Variants in PCDHGB4 observed in about 807,000 individuals in gnomAD.
PCDHGB4 encodes protocadherin gamma subfamily B, 4.
In PCDHGB4, 38 loss-of-function variants were observed where a neutral mutation model predicts 60.5. That is an observed-to-expected ratio of 0.63 (90% CI 0.48 to 0.82). PCDHGB4 has a LOEUF of 0.82. PCDHGB4 is among the 40% of genes least tolerant of loss of function. The pLI is 0.00. For missense variants in PCDHGB4, 1,109 were observed against 1,209.6 expected (o/e 0.92, Z 1.23); for synonymous variants, 456 against 509.7 (o/e 0.89, Z 1.42).
chr5:141,458,513 GT>G (rs537551567), intron 1 of PCDHGB4, among the ~76,000 whole-genome samples: 34 of 146,056 alleles, frequency 2.3e-4, no homozygotes, highest in South Asian at 6.5e-4. Flanking sequence ...TTGACACTTT[GT>G]TTTTTTTTTT....
chr5:141,490,200 A>G lies in PCDHGB4; in HGVS notation c.2398-4607A>G. 6.2e-6 allele frequency: 10 copies of G among 1,614,198 alleles called. No homozygotes were observed. The highest frequency in any genetic ancestry group is 8.5e-6 in the Non-Finnish European group (10 of 1,180,032). ...AGTCACGTTTCTATGAAATTCATGC[A>G]AGAGCCCGTGACCAGGGACAGCCTG... On this transcript the variant is annotated intron_variant, in intron 1 of 3. Coordinates refer to ENST00000519479, the MANE Select transcript of PCDHGB4 (RefSeq NM_003736.4). The surrounding 1 kb of genome is among the most constrained non-coding windows in gnomAD (Gnocchi z 5.4).
intron 1 of PCDHGB4, chr5:141,419,506 C>A (rs527369615): frequency 6.2e-6 from 10 of 1,612,352 alleles, no homozygotes; most frequent in Middle Eastern, 1.7e-4. Context: ...TGAGCCTGCG[C>A]GTGTTGGTGG....
chr5:141,440,103 A>G (rs1391819927), intron 1 of PCDHGB4: 1 of 152,222 alleles, frequency 6.6e-6, no homozygotes, highest in Non-Finnish European at 1.5e-5. Flanking sequence ...GAAAGTGGAG[A>G]CTTACTTGTG....
At chr5:141,492,962 C>A (rs1197532146) in intron 1 of PCDHGB4, among the ~76,000 whole-genome samples, 2 of 152,258 alleles carry the variant, frequency 1.3e-5, no homozygotes, top group African/African-American at 2.4e-5. Flanking sequence ...CTATCTGACA[C>A]TCTAACAAGT....
At chr5:141,399,037 G>A (rs756325508) in intron 1 of PCDHGB4, 2 of 1,613,856 alleles carry the variant, frequency 1.2e-6, no homozygotes, top group African/African-American at 2.7e-5. Context: ...AAAGAAACTG[G>A]ATTTTGAAGA....
intron 1 of PCDHGB4, chr5:141,418,991 G>A (rs1335937354): frequency 6.2e-7 from 1 of 1,613,836 alleles, no homozygotes. Context: ...AGACTCAGGG[G>A]AAAATGGGGA....
intron 1 of PCDHGB4, chr5:141,421,025 A>G: frequency 5.7e-6 from 3 of 526,286 alleles, no homozygotes; most frequent in East Asian, 3.2e-5. Context: ...GCTGCGCGCC[A>G]TTGAGTCCCT....
Position 141,399,843 on chromosome 5 carries a change from T to C in PCDHGB4, c.2397+9562T>C, listed in dbSNP as rs1452069886. ...GTCCCGACGGCTCTGCGCTCTTCGATATGGTGCCGCGCGCTGCAGAGCCCG... is the reference window on the plus strand; with the variant it reads ...GTCCCGACGGCTCTGCGCTCTTCGACATGGTGCCGCGCGCTGCAGAGCCCG... On this transcript the variant is annotated intron_variant, in intron 1 of 3. Coordinates refer to ENST00000519479, the MANE Select transcript of PCDHGB4 (RefSeq NM_003736.4). 2.5e-6 allele frequency: 4 copies of C among 1,612,848 alleles called. No homozygotes were observed. The African/African-American group carries it at 5.3e-5, about 22-fold the overall frequency.
Position 141,390,177 on chromosome 5 carries a change from C to A in PCDHGB4, c.2293C>A (p.Leu765Ile). The A allele has an allele frequency of 6.2e-7, 1 of 1,613,986 alleles. No homozygotes were observed. The highest frequency in any genetic ancestry group is 8.5e-7 in the Non-Finnish European group (1 of 1,179,894). Residue 765 changes from leucine (L) to isoleucine (I), a missense_variant, in exon 1 of 4, where the codon CTA (leucine) becomes ATA (isoleucine). By Grantham distance (5) the Leu-to-Ile change is conservative. Coordinates refer to ENST00000519479, the MANE Select transcript of PCDHGB4 (RefSeq NM_003736.4). ...AHTGKTEFNF[L>I]KCSEQLSSGQ... is the part of the protein sequence containing the mutation. ...TACAGGAAAGACGGAGTTTAATTTC[C>A]TAAAATGTAGTGAGCAGTTGAGTTC...
At position 141,413,133 on chromosome 5, in the gene PCDHGB4, C is replaced by T. The variant is rs765215473; in HGVS notation, c.2397+22852C>T. The stretch of plus-strand genomic sequence containing the variant: ...CAAAGGAACCGGTTGAAACACACAA[C>T]GTGTCCAGTGAGGACTTTGCAGAAT... On this transcript the variant is annotated intron_variant, in intron 1 of 3. Transcript: ENST00000519479. 1.1e-5 allele frequency: 17 copies of T among 1,542,110 alleles called. No individual in the cohort carries two copies. In the East Asian group the frequency reaches 3.2e-4, roughly 29 times the overall value.
Position 141,406,431 on chromosome 5 carries a change from T to A in PCDHGB4, c.2397+16150T>A, listed in dbSNP as rs1316370664. 2.0e-5 allele frequency among the ~76,000 whole-genome samples: 3 copies of A among 152,352 alleles called. No individual in the cohort carries two copies. In the South Asian group the frequency reaches 6.2e-4, roughly 32 times the overall value. ...CAGCTGAAAGCCCAGATTTATTGCT[T>A]CTATTCTTCCATTTCTATGACAGGA... On this transcript the variant is annotated intron_variant, in intron 1 of 3. Coordinates refer to ENST00000519479, the MANE Select transcript of PCDHGB4 (RefSeq NM_003736.4).
In PCDHGB4 at chr5:141,486,959, G is replaced by A. The variant is rs1161675143; in HGVS notation, c.2398-7848G>A. The A allele has an allele frequency of 1.9e-6, 3 of 1,614,098 alleles. No individual in the cohort carries two copies. In the African/African-American group the frequency reaches 4.0e-5, roughly 22 times the overall value. On this transcript the variant is annotated intron_variant, in intron 1 of 3. Transcript: ENST00000519479. The surrounding 1 kb of genome is among the most constrained non-coding windows in gnomAD (Gnocchi z 5.0). ...CCACCTAATCACAAAGGTGACTGCTGTGGACTTGGATTCAGGTTACAATGC... is the reference window on the plus strand; with the variant it reads ...CCACCTAATCACAAAGGTGACTGCTATGGACTTGGATTCAGGTTACAATGC...
At chr5:141,413,855 C>G (rs2095686270) in intron 1 of PCDHGB4, 1 of 1,613,206 alleles carries the variant, frequency 6.2e-7, no homozygotes, top group African/African-American at 1.3e-5. Flanking sequence ...CCTCTCCGAT[C>G]TGGCACTGTC....
At chr5:141,505,650 T>C (rs1595974645) in intron 3 of PCDHGB4, among the ~76,000 whole-genome samples, 169 bp downstream of exon 3, 1 of 152,094 alleles carries the variant, frequency 6.6e-6, no homozygotes, top group East Asian at 1.9e-4. Flanking sequence ...GAATTGTGGC[T>C]AAGGAACAGC....
chr5:141,433,176 T>A, intron 1 of PCDHGB4: 1 of 1,610,288 alleles, frequency 6.2e-7, no homozygotes, highest in Non-Finnish European at 8.5e-7. Flanking sequence ...AGTCATGGGT[T>A]AATTGAGGTG....
intron 1 of PCDHGB4, chr5:141,417,728 T>A: frequency 7.3e-7 from 1 of 1,373,610 alleles, no homozygotes; most frequent in Non-Finnish European, 9.6e-7. Flanking sequence ...GCGCAGACCT[T>A]GCCCAGCACA....
intron 1 of PCDHGB4, chr5:141,394,873 C>T (rs376612124): frequency 6.8e-6 from 11 of 1,613,708 alleles, no homozygotes; most frequent in Non-Finnish European, 8.5e-6. Context: ...CCGAACGATT[C>T]GAGCCTTACA....
At chr5:141,422,100 A>G (rs1019775470) in intron 1 of PCDHGB4, 2 of 1,609,786 alleles carry the variant, frequency 1.2e-6, no homozygotes, top group Non-Finnish European at 1.7e-6. Context: ...AGGCTTCTGA[A>G]ATATTCCAAT....
chr5:141,417,975 A>C, intron 1 of PCDHGB4: 3 of 1,613,724 alleles, frequency 1.9e-6, no homozygotes, highest in Non-Finnish European at 2.5e-6. Context: ...TCGATTCCGG[A>C]GGAGCTGGCC....
Sources: gnomAD v4.1 joint callset for allele counts (sites outside exome capture counted in the v4.1 genomes callset) on GRCh38, gnomAD v4.1.1 for gene constraint, Gnocchi (gnomAD v3.1) non-coding constraint, MANE v1.5 for transcripts, NCBI Gene and HGNC (gene_info 2026-07-23, HGNC 2026-07-21) for gene names.